CREB5: variants seen among roughly 807,000 people sequenced by gnomAD.
CREB5 encodes the protein cyclic AMP-responsive element-binding protein 5.
Under a neutral mutation model 57.1 loss-of-function variants are expected in CREB5, and 19 were observed. The ratio of observed to expected loss-of-function variants is 0.33; its 90% confidence interval spans 0.23 to 0.49. The LOEUF (loss-of-function observed/expected upper bound fraction) is 0.49, where lower values mean the gene tolerates loss of function less well. Ranked by LOEUF, CREB5 falls within the 20% of genes least tolerant of loss-of-function variation. CREB5 has a pLI of 0.99. For synonymous variants in CREB5, 238 were observed against 238.3 expected, an observed-to-expected ratio of 1.00 and a Z score of 0.01; for missense variants, 579 against 671.6, an observed-to-expected ratio of 0.86 and a Z score of 1.52.
intron 1 of CREB5, among the ~76,000 whole-genome samples, chr7:28,418,332 T>C (rs1306792692): frequency 2.0e-5 from 3 of 152,204 alleles, no homozygotes; most frequent in Non-Finnish European, 4.4e-5. Context: ...CACCAGTCTG[T>C]GCATTCACTA....
intron 7 of CREB5, among the ~76,000 whole-genome samples, chr7:28,748,712 CGGCATGCCAG>C (rs1190838921): frequency 1.3e-5 from 2 of 152,144 alleles, no homozygotes; most frequent in African/African-American, 4.8e-5. Flanking sequence ...TGAGTTACCA[CGGCATGCCAG>C]TGAGGAAAAG....
At chr7:28,408,206 T>C (rs1270039103), upstream of CREB5, among the ~76,000 whole-genome samples, 1 of 152,138 alleles carries the variant, frequency 6.6e-6, no homozygotes, top group Non-Finnish European at 1.5e-5. Context: ...AGCTCACCTG[T>C]AGAATGGGAA....
intron 4 of CREB5, among the ~76,000 whole-genome samples, chr7:28,532,879 C>G (rs970919626): frequency 1.3e-5 from 2 of 152,204 alleles, no homozygotes; most frequent in African/African-American, 4.8e-5. Flanking sequence ...AGTAATAGCA[C>G]CAACCCCTTA....
intron 1 of CREB5, among the ~76,000 whole-genome samples, chr7:28,445,690 T>C (rs1010046509): frequency 2.6e-5 from 4 of 152,114 alleles, no homozygotes; most frequent in Non-Finnish European, 4.4e-5. Flanking sequence ...TAGCTGGGAC[T>C]ACAGGCGCCC....
intron 5 of CREB5, among the ~76,000 whole-genome samples, chr7:28,665,548 C>T (rs1172537816): frequency 2.0e-5 from 3 of 152,036 alleles, no homozygotes; most frequent in Non-Finnish European, 4.4e-5. Context: ...TTAAATGAAA[C>T]TTACAAGAAT....
In CREB5 at chr7:28,621,505, G is replaced by T. The variant is rs189462052; in HGVS notation, c.464+50968G>T. 5.7e-3 allele frequency among the ~76,000 whole-genome samples: 875 copies of T among 152,260 alleles called. 7 individuals are homozygous for T. The highest frequency in any genetic ancestry group is 0.027 in the Middle Eastern group (8 of 294). On this transcript the variant is annotated intron_variant, in intron 5 of 10. Coordinates refer to ENST00000357727, the MANE Select transcript of CREB5 (RefSeq NM_182898.4). ...AGACCTTCACAGACTAAATTCAGTGGTGTCACCTTCTGAACAAAGTGGCCA... is the reference window on the plus strand; with the variant it reads ...AGACCTTCACAGACTAAATTCAGTGTTGTCACCTTCTGAACAAAGTGGCCA...
At position 28,560,805 on chromosome 7, in the gene CREB5, T is replaced by C. The variant is rs985708119; in HGVS notation, c.292-9560T>C. 7.3e-5 allele frequency among the ~76,000 whole-genome samples: 4 copies of C among 54,828 alleles called. 1 individual carries two copies. The highest frequency in any genetic ancestry group is 4.1e-4 in the Admixed American group (2 of 4,936). The allele number at this position is 54,828 out of a possible 152,430, so 36.0% of individuals were successfully genotyped here. On this transcript the variant is annotated intron_variant, in intron 4 of 10. Transcript: ENST00000357727. ...TCTTTCTCTGCTTCCACAGTGTGTG[T>C]GCGCGTGTGTGTGTGTGCGCGCGCG...
intron 1 of CREB5, among the ~76,000 whole-genome samples, chr7:28,429,011 T>C (rs1314400141): frequency 1.3e-5 from 2 of 152,148 alleles, no homozygotes; most frequent in Admixed American, 1.3e-4. Context: ...CCTTGTGTGA[T>C]GTTTAGTTTA....
At chr7:28,816,481 T>C (rs1809446568) in intron 9 of CREB5, among the ~76,000 whole-genome samples, 1 of 152,232 alleles carries the variant, frequency 6.6e-6, no homozygotes, top group African/African-American at 2.4e-5. Flanking sequence ...ATTTCCCAAA[T>C]AGTCATTTTT....
intron 1 of CREB5, among the ~76,000 whole-genome samples, chr7:28,462,088 G>T (rs912207765): frequency 4.6e-5 from 7 of 151,916 alleles, no homozygotes; most frequent in African/African-American, 1.5e-4. Flanking sequence ...TCCCCTCATA[G>T]CCCCCGGTAA....
At chr7:28,482,485 G>A (rs564547762) in intron 1 of CREB5, among the ~76,000 whole-genome samples, 119 of 152,334 alleles carry the variant, frequency 7.8e-4, no homozygotes, top group African/African-American at 2.8e-3. Flanking sequence ...CAGGATTGAT[G>A]TGGAGTGTCA....
At chr7:28,339,739 G>A (rs1785896725) in intron 1 of CREB5, among the ~76,000 whole-genome samples, 1 of 152,204 alleles carries the variant, frequency 6.6e-6, no homozygotes, top group Non-Finnish European at 1.5e-5. Context: ...GTTTCTCCTG[G>A]CCCCAGGCTG....
chr7:28,625,802 G>A (rs207467752), intron 5 of CREB5, among the ~76,000 whole-genome samples: 1 of 152,124 alleles, frequency 6.6e-6, no homozygotes, highest in African/African-American at 2.4e-5. Context: ...ATCAACACAG[G>A]TCTTCCTTAT....
In CREB5 at chr7:28,487,533, T is replaced by G. The variant is rs142134139; in HGVS notation, c.4-642T>G. On this transcript the variant is annotated intron_variant, in intron 1 of 10. Coordinates refer to ENST00000357727, the MANE Select transcript of CREB5 (RefSeq NM_182898.4). ...GTTTTTGGCATTTTTGGATTTCTAC[T>G]TACTCCTGCGTACTTGGATAACTTT... is the stretch of plus-strand genomic sequence containing the variant. 3.3e-4 allele frequency among the ~76,000 whole-genome samples: 51 copies of G among 152,354 alleles called. No homozygotes were observed. The East Asian group carries it at 9.1e-3, about 27-fold the overall frequency.
chr7:28,555,109 T>TTTTGTGTGTGTGTGTG (rs147186726), intron 4 of CREB5, among the ~76,000 whole-genome samples: 1 of 148,800 alleles, frequency 6.7e-6, no homozygotes, highest in Non-Finnish European at 1.5e-5. Flanking sequence ...ATAAGCTGCA[T>TTTTGTGTGTGTGTGTG]TGTGTGTGTG....
chr7:28,333,126 TA>T (rs1308172241), intron 1 of CREB5, among the ~76,000 whole-genome samples: 6 of 152,252 alleles, frequency 3.9e-5, no homozygotes, highest in African/African-American at 1.4e-4. Flanking sequence ...GGAATGCTCC[TA>T]ACTTGTGTTT....
rs955008357 is a variant in CREB5, at chr7:28,613,509, C to T, written c.464+42972C>T. The stretch of plus-strand genomic sequence containing the variant: ...TTACACCCAGAATGAAAGAGTATTT[C>T]GACTTCATGTGAATTGAATGAAGAA... On this transcript the variant is annotated intron_variant, in intron 5 of 10. Transcript: ENST00000357727. Among the ~76,000 whole-genome samples the T allele has an allele frequency of 4.6e-5, 7 of 152,208 alleles. No individual in the cohort carries two copies. In the South Asian group the frequency reaches 8.3e-4, roughly 18 times the overall value.
intron 1 of CREB5, among the ~76,000 whole-genome samples, chr7:28,455,949 T>C (rs1207623832): frequency 6.6e-6 from 1 of 152,210 alleles, no homozygotes; most frequent in Non-Finnish European, 1.5e-5. Flanking sequence ...CTTCCCTTTC[T>C]TTTTTCTTAT....
intron 1 of CREB5, 31 bp downstream of exon 1, chr7:28,412,948 C>T (rs765955062): frequency 1.4e-6 from 2 of 1,403,326 alleles, no homozygotes; most frequent in African/African-American, 2.9e-5. Flanking sequence ...GCATATTAAA[C>T]AGAGAGAAAA....
Sources: allele counts gnomAD v4.1 joint callset (sites outside exome capture counted in the v4.1 genomes callset), GRCh38; gene constraint gnomAD v4.1.1; transcripts MANE v1.5; gene names NCBI Gene and HGNC (gene_info 2026-07-23, HGNC 2026-07-21).